Variants in HSPA4 observed in about 807,000 individuals in gnomAD.
HSPA4 encodes the protein heat shock 70 kDa protein 4.
In HSPA4, 25 loss-of-function variants were observed where a neutral mutation model predicts 106.2. The observed-to-expected ratio is 0.24, with a 90% CI of 0.17 to 0.33. The LOEUF is 0.33. HSPA4 is among the 10% of genes least tolerant of loss of function. HSPA4 has a pLI of 1.00. For synonymous variants in HSPA4, 332 were observed against 333.6 expected (o/e 1.00, Z 0.05); for missense variants, 841 against 996.0 (o/e 0.84, Z 2.10).
chr5:133,065,178 C>G (rs1240965108), intron 2 of HSPA4, 141 bp downstream of exon 2: 1 of 636,464 alleles, frequency 1.6e-6, no homozygotes. Flanking sequence ...TTCTCTGTTC[C>G]CATGTACAGT....
intron 16 of HSPA4, among the ~76,000 whole-genome samples, chr5:133,101,139 T>C (rs964895457): frequency 2.0e-5 from 3 of 152,230 alleles, no homozygotes; most frequent in African/African-American, 7.2e-5. Flanking sequence ...GTATTAAGTT[T>C]TCAAGTTCCA....
intron 3 of HSPA4, among the ~76,000 whole-genome samples, chr5:133,069,925 G>T (rs546814415): frequency 1.3e-5 from 2 of 152,302 alleles, no homozygotes; most frequent in South Asian, 4.2e-4. Context: ...AGCACTTTGG[G>T]AGGCCGAGGC....
chr5:133,086,810 C>G lies in HSPA4; in HGVS notation c.937C>G (p.Leu313Val). 1 of 1,613,656 alleles carries G rather than the reference C, an allele frequency of 6.2e-7. No homozygotes were observed. The highest frequency in any genetic ancestry group is 8.5e-7 in the Non-Finnish European group (1 of 1,179,708). Residue 313 changes from leucine to valine, a missense_variant, in exon 8 of 19, where the codon CTC becomes GTC. Leu to Val is a conservative substitution (Grantham distance 32, BLOSUM62 1). Coordinates refer to ENST00000304858, the MANE Select transcript of HSPA4 (RefSeq NM_002154.4). ...RGKFLEMCNDLLARVEPPLRS... is the reference protein window; with the variant it reads ...RGKFLEMCNDVLARVEPPLRS... ...CAAATTTCTGGAGATGTGCAATGATCTCTTAGCTAGAGTGGAGCCACCACT... is the reference window on the plus strand; with the variant it reads ...CAAATTTCTGGAGATGTGCAATGATGTCTTAGCTAGAGTGGAGCCACCACT...
intron 7 of HSPA4, among the ~76,000 whole-genome samples, chr5:133,082,287 T>A (rs1388136113): frequency 6.6e-6 from 1 of 152,124 alleles, no homozygotes; most frequent in Non-Finnish European, 1.5e-5. Flanking sequence ...AAGTAACAGT[T>A]AAGGGTGATG....
At chr5:133,104,162 T>C (rs199690718) in intron 18 of HSPA4, 71 bp from the exon 19 acceptor site, 1 of 1,520,272 alleles carries the variant, frequency 6.6e-7, no homozygotes, top group Non-Finnish European at 9.1e-7. Context: ...AGAGGGCGGA[T>C]TTGGGTTTAG....
chr5:133,089,862 C>CA (rs1765623369), intron 11 of HSPA4, among the ~76,000 whole-genome samples, 167 bp downstream of exon 11: 1 of 151,340 alleles, frequency 6.6e-6, no homozygotes. Context: ...TAAACAACAA[C>CA]AAAAAAAAGC....
Position 133,065,040 on chromosome 5 carries a change from A to G in HSPA4, c.165+3A>G, listed in dbSNP as rs764652689. 4.3e-6 allele frequency: 7 copies of G among 1,613,228 alleles called. No homozygotes were observed. Among genetic ancestry groups the G allele is most frequent in the Middle Eastern group, 1.6e-4 (1 of 6,062 alleles). On this transcript the variant is annotated splice_donor_region_variant and intron_variant, in intron 2 of 18. Coordinates refer to ENST00000304858, the MANE Select transcript of HSPA4 (RefSeq NM_002154.4). Reference sequence around the variant, plus strand: ...TTGGAGCAGCAGCTAAAAGCCAGGTAAAGTTTCATTTTTTTCCTAAAATGA... The same window carrying G: ...TTGGAGCAGCAGCTAAAAGCCAGGTGAAGTTTCATTTTTTTCCTAAAATGA...
chr5:133,087,540 G>A (rs1003934380), intron 8 of HSPA4, among the ~76,000 whole-genome samples: 2 of 152,214 alleles, frequency 1.3e-5, no homozygotes, highest in Non-Finnish European at 2.9e-5. Flanking sequence ...GTGATATTAA[G>A]AAGTATTTTA....
At chr5:133,104,083 C>T in intron 18 of HSPA4, 57 bp downstream of exon 18, 1 of 1,478,974 alleles carries the variant, frequency 6.8e-7, no homozygotes, top group Non-Finnish European at 9.3e-7. Context: ...ATTAATAGTC[C>T]TCAAGTGACA....
chr5:133,072,904 C>T (rs1430161522), intron 4 of HSPA4, among the ~76,000 whole-genome samples: 3 of 152,136 alleles, frequency 2.0e-5, no homozygotes, highest in Non-Finnish European at 2.9e-5. Context: ...AAATCAAGGT[C>T]CTAGATGCCA....
intron 16 of HSPA4, 40 bp downstream of exon 16, chr5:133,099,692 T>C (rs1181188707): frequency 2.7e-6 from 3 of 1,099,992 alleles, no homozygotes; most frequent in Middle Eastern, 2.0e-4. Context: ...AGAACCCTTG[T>C]TGAAGCTTCC....
intron 15 of HSPA4, among the ~76,000 whole-genome samples, chr5:133,099,156 G>A (rs949138375): frequency 4.6e-5 from 7 of 151,426 alleles, no homozygotes; most frequent in African/African-American, 1.2e-4. Context: ...TTGAAATGGA[G>A]CCTTGCTCTG....
At chr5:133,073,369 C>A in intron 5 of HSPA4, 40 bp downstream of exon 5, 1 of 1,357,172 alleles carries the variant, frequency 7.4e-7, no homozygotes, top group Non-Finnish European at 1.0e-6. Flanking sequence ...CTTGGTTAAT[C>A]TTGAAGATTG....
intron 2 of HSPA4, 71 bp from the exon 3 acceptor site, chr5:133,067,346 T>G: frequency 7.7e-7 from 1 of 1,303,252 alleles, no homozygotes; most frequent in Non-Finnish European, 1.1e-6. Context: ...GTTGCTAATT[T>G]AATCTGAGGC....
intron 7 of HSPA4, among the ~76,000 whole-genome samples, chr5:133,084,255 T>C (rs1304555044): frequency 6.6e-6 from 1 of 152,250 alleles, no homozygotes; most frequent in African/African-American, 2.4e-5. Context: ...CATTTGTTTG[T>C]TTCACATGCC....
chr5:133,098,634 CTTTA>C (rs147307035), intron 15 of HSPA4, among the ~76,000 whole-genome samples: 3,427 of 149,018 alleles, frequency 0.023, 125 homozygotes, highest in African/African-American at 0.077. Context: ...ACCATGTTTT[CTTTA>C]TTTACTCATT....
intron 17 of HSPA4, 43 bp downstream of exon 17, chr5:133,101,921 CTTTTTTTTT>C: frequency 9.8e-6 from 7 of 716,262 alleles, no homozygotes; most frequent in East Asian, 1.1e-4. Context: ...GTAAAGTTAA[CTTTTTTTTT>C]TTTTTTTTTT....
intron 4 of HSPA4, among the ~76,000 whole-genome samples, chr5:133,072,642 G>C (rs577133925): frequency 7.3e-5 from 11 of 150,692 alleles, no homozygotes; most frequent in Non-Finnish European, 1.3e-4. Context: ...CGTGACATCA[G>C]GTGATCCACC....
intron 1 of HSPA4, among the ~76,000 whole-genome samples, chr5:133,057,423 A>G (rs1202754948): frequency 1.3e-5 from 2 of 151,090 alleles, no homozygotes; most frequent in Admixed American, 6.6e-5. Flanking sequence ...CAATGGTGCA[A>G]TCTTGGCTCA....
Sources: gnomAD v4.1 joint callset for allele counts (sites outside exome capture counted in the v4.1 genomes callset) on GRCh38, gnomAD v4.1.1 for gene constraint, MANE v1.5 for transcripts, NCBI Gene and HGNC (gene_info 2026-07-23, HGNC 2026-07-21) for gene names.